Variants in KIZ observed in about 807,000 individuals in gnomAD.
KIZ encodes centrosomal protein kizuna.
In KIZ, 68 loss-of-function variants were observed where a neutral mutation model predicts 79.6. The observed-to-expected ratio is 0.85, with a 90% CI of 0.70 to 1.05. The LOEUF (loss-of-function observed/expected upper bound fraction) is 1.05. Among genes scored for constraint, KIZ ranks in the 50% least tolerant of loss-of-function variants. The probability of loss-of-function intolerance (pLI) is 0.00; values close to 1 mark genes in which losing one functional copy is unlikely to be tolerated. For synonymous variants in KIZ, 280 were observed against 281.8 expected (o/e 0.99, Z 0.06); for missense variants, 797 against 800.4 (o/e 1.00, Z 0.05).
chr20:21,159,487 C>G (rs1480693834), intron 4 of KIZ, among the ~76,000 whole-genome samples: 1 of 152,074 alleles, frequency 6.6e-6, no homozygotes, highest in Non-Finnish European at 1.5e-5. Flanking sequence ...CTGTTTACCT[C>G]CCCCCGATTC....
At chr20:21,127,141 A>G (rs1428651431) in intron 1 of KIZ, among the ~76,000 whole-genome samples, 1 of 152,242 alleles carries the variant, frequency 6.6e-6, no homozygotes, top group Non-Finnish European at 1.5e-5. Context: ...ATCTTACGCT[A>G]GATTTAATTC....
intron 6 of KIZ, among the ~76,000 whole-genome samples, chr20:21,203,945 C>A (rs2035697229): frequency 6.6e-6 from 1 of 151,970 alleles, no homozygotes; most frequent in Non-Finnish European, 1.5e-5. Context: ...AACAACTCTC[C>A]ATTTTCCCTT....
chr20:21,169,335 T>C (rs2034099779), intron 6 of KIZ, among the ~76,000 whole-genome samples: 2 of 151,470 alleles, frequency 1.3e-5, no homozygotes, highest in South Asian at 2.1e-4. Flanking sequence ...AAAATGTTCA[T>C]CATCACTGGC....
intron 6 of KIZ, among the ~76,000 whole-genome samples, chr20:21,187,934 C>A (rs986093609): frequency 4.6e-5 from 7 of 151,888 alleles, no homozygotes; most frequent in African/African-American, 1.7e-4. Flanking sequence ...AGACATTTAC[C>A]CTCGTTGGGC....
chr20:21,234,895 A>G (rs138685532), intron 11 of KIZ, among the ~76,000 whole-genome samples: 1 of 152,250 alleles, frequency 6.6e-6, no homozygotes, highest in African/African-American at 2.4e-5. Flanking sequence ...TGGGCGCAAA[A>G]ATGCATTTAT....
chr20:21,150,487 C>T (rs1047353487), intron 4 of KIZ, among the ~76,000 whole-genome samples: 1 of 152,190 alleles, frequency 6.6e-6, no homozygotes. Context: ...ACGTGGCCCT[C>T]GGTTCTGCCA....
chr20:21,244,632 C>A (rs6082356), intron 12 of KIZ: 1 of 252,000 alleles, frequency 4.0e-6, no homozygotes, highest in South Asian at 6.7e-5. Context: ...GCACCCATTG[C>A]TCATGACCGG....
intron 10 of KIZ, among the ~76,000 whole-genome samples, chr20:21,232,158 G>A (rs2036855161): frequency 1.3e-5 from 2 of 152,180 alleles, no homozygotes; most frequent in Admixed American, 1.3e-4. Context: ...CCTGCAAACT[G>A]GGGGCATTGT....
intron 6 of KIZ, among the ~76,000 whole-genome samples, chr20:21,172,937 A>G (rs1486970555): frequency 6.6e-6 from 1 of 152,236 alleles, no homozygotes; most frequent in African/African-American, 2.4e-5. Flanking sequence ...TACAGAGGCC[A>G]TGCAGTGGGG....
At chr20:21,155,541 G>A (rs543835245) in intron 4 of KIZ, among the ~76,000 whole-genome samples, 4 of 152,252 alleles carry the variant, frequency 2.6e-5, no homozygotes, top group South Asian at 2.1e-4. Flanking sequence ...GGAGGATGGG[G>A]AGTTACGCTA....
At chr20:21,169,126 A>T (rs1302455344) in intron 6 of KIZ, among the ~76,000 whole-genome samples, 5 of 152,084 alleles carry the variant, frequency 3.3e-5, no homozygotes, top group African/African-American at 1.2e-4. Context: ...CAAAAGAAAC[A>T]ACCATCAGAG....
intron 6 of KIZ, among the ~76,000 whole-genome samples, chr20:21,203,748 A>G (rs1039775887): frequency 6.6e-6 from 1 of 152,186 alleles, no homozygotes; most frequent in Non-Finnish European, 1.5e-5. Context: ...TTGTTGCCCT[A>G]CCAGCCTCCA....
intron 1 of KIZ, among the ~76,000 whole-genome samples, chr20:21,128,097 C>G (rs2031600177): frequency 6.6e-6 from 1 of 152,176 alleles, no homozygotes; most frequent in African/African-American, 2.4e-5. Flanking sequence ...ACTGCAACCC[C>G]CACCTCCCAG....
intron 9 of KIZ, among the ~76,000 whole-genome samples, chr20:21,220,012 T>A (rs2036449983): frequency 6.6e-6 from 1 of 152,114 alleles, no homozygotes; most frequent in Non-Finnish European, 1.5e-5. Flanking sequence ...AGTCTAGTTG[T>A]TGTTCACTAA....
intron 9 of KIZ, among the ~76,000 whole-genome samples, chr20:21,220,308 G>T (rs1457617946): frequency 6.6e-6 from 1 of 151,580 alleles, no homozygotes; most frequent in Non-Finnish European, 1.5e-5. Flanking sequence ...AGTCCTATAG[G>T]GTAAACATTA....
intron 6 of KIZ, among the ~76,000 whole-genome samples, chr20:21,170,165 A>G (rs1255114921): frequency 6.6e-6 from 1 of 152,146 alleles, no homozygotes; most frequent in Non-Finnish European, 1.5e-5. Context: ...TTTTGTAGAT[A>G]CATAGTAGGT....
chr20:21,130,440 G>T (rs982200682), intron 1 of KIZ, among the ~76,000 whole-genome samples: 2 of 152,112 alleles, frequency 1.3e-5, no homozygotes, highest in Admixed American at 1.3e-4. Context: ...CATTCATTCT[G>T]CATGAACCAA....
rs747794715 is a variant in KIZ at position 21,162,312 on chromosome 20, A to G, written c.847A>G (p.Ser283Gly). 1.4e-5 allele frequency: 22 copies of G among 1,613,846 alleles called. No homozygotes were observed. Among genetic ancestry groups the G allele is most frequent in the Non-Finnish European group, 1.8e-5 (21 of 1,179,848 alleles). Residue 283 changes from serine to glycine, a missense_variant, in exon 5 of 13, where the codon AGT (serine) becomes GGT (glycine). By Grantham distance (56) the Ser-to-Gly change is moderately conservative (BLOSUM62 0). Transcript: ENST00000619189. Reference sequence around the variant, plus strand: ...CAATTCCCCGTTACGGGAAAGATTAAGTCCAGAGAACAGAACCACTGATTT... The same window carrying G: ...CAATTCCCCGTTACGGGAAAGATTAGGTCCAGAGAACAGAACCACTGATTT... ...ELNSPLRERL[S>G]PENRTTDLKC...
intron 1 of KIZ, among the ~76,000 whole-genome samples, chr20:21,131,416 G>A (rs1037960335): frequency 3.9e-5 from 6 of 152,162 alleles, no homozygotes; most frequent in African/African-American, 9.7e-5. Flanking sequence ...GGTCTTAGAA[G>A]GCCTGGTCTT....
Sources: gnomAD v4.1 joint callset for allele counts (sites outside exome capture counted in the v4.1 genomes callset) on GRCh38, gnomAD v4.1.1 for gene constraint, MANE v1.5 for transcripts, NCBI Gene and HGNC (gene_info 2026-07-23, HGNC 2026-07-21) for gene names.